Variants in ZNF493 observed in about 807,000 individuals in gnomAD.
ZNF493 encodes zinc finger protein 493.
In ZNF493, 11 loss-of-function variants were observed where a neutral mutation model predicts 12.2. The ratio of observed to expected loss-of-function variants is 0.90; its 90% CI spans 0.57 to 1.50. ZNF493 has a LOEUF of 1.50. Ranked by LOEUF, ZNF493 falls within the 40% of genes most tolerant of loss-of-function variation. ZNF493 has a pLI of 0.00. For missense variants in ZNF493, 950 were observed against 906.6 expected, an observed-to-expected ratio of 1.05 and a Z score of -0.61; for synonymous variants, 286 against 302.6, an observed-to-expected ratio of 0.95 and a Z score of 0.57.
At position 21,427,104 on chromosome 19, in the gene ZNF493, G is replaced by T. The variant is rs927846251; in HGVS notation, c.*2120G>T. On this transcript the variant is annotated 3_prime_UTR_variant, in exon 4 of 4. Transcript: ENST00000392288. The stretch of plus-strand genomic sequence containing the variant: ...TGAGAGATTCTTCTTCATTAGATGG[G>T]CATTATTTATGATCTTTTCTATGGA... 1 of 166,810 alleles carries T rather than the reference G, an allele frequency of 6.0e-6. No individual in the cohort carries two copies. Among genetic ancestry groups the T allele is most frequent in the African/African-American group, 2.4e-5 (1 of 41,396 alleles). The allele number at this position is 166,810 out of a possible 1,614,324, so 10.3% of individuals were successfully genotyped here. A position where few individuals can be genotyped will look rare whatever the true frequency, so the allele number is the denominator to read the frequency against.
At chr19:21,422,466 T>TA (rs2030708664) in intron 3 of ZNF493, among the ~76,000 whole-genome samples, 1 of 89,694 alleles carries the variant, frequency 1.1e-5, no homozygotes. Flanking sequence ...TTTATTTTTA[T>TA]AATTTTTTTT....
Position 21,422,641 on chromosome 19 carries a change from A to G in ZNF493, c.254-272A>G, listed in dbSNP as rs566172559. ...TTATGTTATATTGGGAAGCAGGAATAGCCATGTTGGGTAAATGTAACAAAC... is the reference window on the plus strand; with the variant it reads ...TTATGTTATATTGGGAAGCAGGAATGGCCATGTTGGGTAAATGTAACAAAC... On this transcript the variant is annotated intron_variant, in intron 3 of 3. Coordinates refer to ENST00000392288, the MANE Select transcript of ZNF493 (RefSeq NM_001076678.3). Among the ~76,000 whole-genome samples, 11 of 152,056 alleles carry G rather than the reference A, an allele frequency of 7.2e-5. No homozygotes were observed. In the East Asian group the frequency reaches 1.9e-3, roughly 27 times the overall value.
chr19:21,411,809 G>A (rs1452056424), intron 3 of ZNF493: 1 of 146,880 alleles, frequency 6.8e-6, no homozygotes, highest in Non-Finnish European at 1.5e-5. Context: ...TTTCACCCAA[G>A]CAAGAGTACA....
rs199879425 is a variant in ZNF493, at chr19:21,405,848, A to G, written c.245A>G (p.Lys82Arg). 2.7e-6 allele frequency: 4 copies of G among 1,493,582 alleles called. No individual in the cohort carries two copies. Among genetic ancestry groups the G allele is most frequent in the Non-Finnish European group, 3.6e-6 (4 of 1,109,972 alleles). 92.5% of individuals were successfully genotyped at this position (1,493,582 alleles called of 1,614,324 possible). The change falls in exon 3 of 4, where the codon AAA becomes AGA. Residue 82 changes from lysine (K) to arginine (R), a missense_variant. Lys to Arg is a conservative substitution (Grantham distance 26). Coordinates refer to ENST00000392288, the MANE Select transcript of ZNF493 (RefSeq NM_001076678.3). ...ATGAAGGGACACAGTACGGTAGTCAAACCCCCAGGTAGGTGAGAGTGAATG... is the reference window on the plus strand; with the variant it reads ...ATGAAGGGACACAGTACGGTAGTCAGACCCCCAGGTAGGTGAGAGTGAATG... ...WNMKGHSTVV[K>R]PPVICSHFAE...
At chr19:21,422,192 T>C (rs1434082011) in intron 3 of ZNF493, among the ~76,000 whole-genome samples, 1 of 152,088 alleles carries the variant, frequency 6.6e-6, no homozygotes, top group Non-Finnish European at 1.5e-5. Context: ...CTACACCTGT[T>C]TTCTTTCTGT....
intron 3 of ZNF493, chr19:21,413,117 A>G (rs775914501): frequency 6.6e-6 from 2 of 301,346 alleles, no homozygotes; most frequent in Non-Finnish European, 1.3e-5. Flanking sequence ...CATGGGAATC[A>G]TTGTGCAGCA....
At chr19:21,418,283 T>C (rs1008763209) in intron 3 of ZNF493, among the ~76,000 whole-genome samples, 2 of 152,192 alleles carry the variant, frequency 1.3e-5, no homozygotes, top group African/African-American at 2.4e-5. Flanking sequence ...AAACCTGATA[T>C]GTAACCTCTT....
chr19:21,401,010 A>T (rs928890892), intron 1 of ZNF493, among the ~76,000 whole-genome samples: 3 of 152,176 alleles, frequency 2.0e-5, no homozygotes, highest in African/African-American at 7.2e-5. Context: ...GAGTTTTGAG[A>T]AAAAGCATTC....
intron 3 of ZNF493, chr19:21,413,631 G>A (rs2030395593): frequency 2.4e-6 from 1 of 416,874 alleles, no homozygotes; most frequent in African/African-American, 2.1e-5. Flanking sequence ...TCAGCATCTG[G>A]CTCATGATAA....
At position 21,397,233 on chromosome 19, in the gene ZNF493, C is replaced by G; in HGVS notation, c.-5C>G. ...CCTGAAGATACTGGGAAATCCATAG[C>G]TAAGATGCCAGGACCCCCTGAAAGC... On this transcript the variant is annotated 5_prime_UTR_variant, in exon 1 of 4. Coordinates refer to ENST00000392288, the MANE Select transcript of ZNF493 (RefSeq NM_001076678.3). 1 of 1,614,204 alleles carries G rather than the reference C, an allele frequency of 6.2e-7. No homozygotes were observed. Among genetic ancestry groups the G allele is most frequent in the South Asian group, 1.1e-5 (1 of 91,092 alleles).
At position 21,424,491 on chromosome 19, in the gene ZNF493, A is replaced by G; in HGVS notation, c.1832A>G (p.Asn611Ser). 1 of 1,613,082 alleles carries G rather than the reference A, an allele frequency of 6.2e-7. No homozygotes were observed. ...YKCEECGKAF[N>S]RSSILSIHKK... is the part of the protein sequence containing the mutation. ...TGTGAAGAATGTGGCAAAGCTTTTA[A>G]CCGATCTTCAATCCTTAGTATACAT... The change falls in exon 4 of 4, where the codon AAC becomes AGC. Residue 611 changes from asparagine to serine, a missense_variant. Asn to Ser is a conservative substitution (Grantham distance 46). Transcript: ENST00000392288.
intron 3 of ZNF493, among the ~76,000 whole-genome samples, chr19:21,419,529 G>A (rs909726095): frequency 1.3e-5 from 2 of 152,096 alleles, no homozygotes; most frequent in Non-Finnish European, 2.9e-5. Flanking sequence ...AATCCAGCAC[G>A]GGAGAAAGAT....
At chr19:21,400,062 G>T (rs971065581) in intron 1 of ZNF493, among the ~76,000 whole-genome samples, 1 of 152,108 alleles carries the variant, frequency 6.6e-6, no homozygotes, top group Non-Finnish European at 1.5e-5. Context: ...AATAGAATAA[G>T]ACATTTATTT....
At chr19:21,397,698 G>A in intron 1 of ZNF493, 1 of 393,246 alleles carries the variant, frequency 2.5e-6, no homozygotes, top group Non-Finnish European at 4.5e-6. Context: ...ATTAAAGAAT[G>A]TAATCAAAGA....
At chr19:21,405,069 A>C (rs1457764897) in intron 1 of ZNF493, 60 bp from the exon 2 acceptor site, 26 of 1,539,496 alleles carry the variant, frequency 1.7e-5, no homozygotes, top group Non-Finnish European at 7.0e-6. Context: ...TTCAAATGAT[A>C]AATTTTGCCC....
chr19:21,414,983 G>A (rs1385442962), intron 3 of ZNF493, among the ~76,000 whole-genome samples: 5 of 152,150 alleles, frequency 3.3e-5, no homozygotes, highest in Non-Finnish European at 7.4e-5. Context: ...TGCTGTATTT[G>A]TACCTTCGTG....
chr19:21,412,919 T>G, intron 3 of ZNF493: 1 of 437,188 alleles, frequency 2.3e-6, no homozygotes, highest in East Asian at 7.4e-5. Flanking sequence ...GCAGGCCTTA[T>G]CATTTGAGGT....
chr19:21,397,304 A>G (rs1397043123), intron 1 of ZNF493, 37 bp downstream of exon 1: 4 of 1,613,880 alleles, frequency 2.5e-6, no homozygotes, highest in Admixed American at 1.7e-5. Context: ...AGAGAGGGGA[A>G]GGAGTTGCTC....
rs572710564 is a variant in ZNF493, at chr19:21,426,746, A to C, written c.*1762A>C. On this transcript the variant is annotated 3_prime_UTR_variant, in exon 4 of 4. Transcript: ENST00000392288. ...ATATTTTCAAAGGTGTAGTAAAAAT[A>C]AAAAAAATTTTAATCCAAATTTGTC... 6.0e-6 allele frequency: 1 copy of C among 167,014 alleles called. No individual in the cohort carries two copies. Among genetic ancestry groups the C allele is most frequent in the African/African-American group, 2.4e-5 (1 of 41,564 alleles). 10.3% of individuals were successfully genotyped at this position (167,014 alleles called of 1,614,324 possible).
Sources: allele counts gnomAD v4.1 joint callset (sites outside exome capture counted in the v4.1 genomes callset), GRCh38; gene constraint gnomAD v4.1.1; transcripts MANE v1.5; gene names NCBI Gene and HGNC (gene_info 2026-07-23, HGNC 2026-07-21).